Variants in CFAP65 observed in about 807,000 individuals in gnomAD.
CFAP65 encodes cilia and flagella associated protein 65.
A neutral mutation model predicts 208.0 loss-of-function variants in CFAP65; 155 were observed. The observed-to-expected ratio is 0.75, with a 90% CI of 0.65 to 0.85. The LOEUF is 0.85. Among genes scored for constraint, CFAP65 ranks in the 40% least tolerant of loss-of-function variants. CFAP65 has a pLI of 0.00. For synonymous variants in CFAP65, 970 were observed against 986.3 expected, an observed-to-expected ratio of 0.98 and a Z score of 0.31; for missense variants, 2,294 against 2,451.3, an observed-to-expected ratio of 0.94 and a Z score of 1.36.
chr2:219,009,670 A>ATGGGG (rs1239115957), intron 27 of CFAP65, among the ~76,000 whole-genome samples: 2 of 56,364 alleles, frequency 3.5e-5, no homozygotes, highest in African/African-American at 9.1e-5. Flanking sequence ...ATGGGGTGGG[A>ATGGGG]TGGGGTGGGG....
intron 30 of CFAP65, 91 bp downstream of exon 30, chr2:219,006,374 G>A: frequency 6.5e-7 from 1 of 1,537,544 alleles, no homozygotes; most frequent in South Asian, 1.1e-5. Flanking sequence ...CTTTCTGGGA[G>A]TCTGGTCCAG....
rs1241229631 is a variant in CFAP65 at position 219,013,860 on chromosome 2, G to A, written c.3779+8C>T. 1 of 1,579,324 alleles carries A rather than the reference G, an allele frequency of 6.3e-7. No individual in the cohort carries two copies. The highest frequency in any genetic ancestry group is 1.4e-5 in the African/African-American group (1 of 74,000). Reference sequence around the variant, plus strand: ...GGAAGTGCAGGGGGTTTGGGGGGTGGGGAACACCTGTATTTTAACTCCACC... The same window carrying A: ...GGAAGTGCAGGGGGTTTGGGGGGTGAGGAACACCTGTATTTTAACTCCACC... On this transcript the variant is annotated splice_region_variant and intron_variant, in intron 22 of 34. Coordinates refer to ENST00000341552, the MANE Select transcript of CFAP65 (RefSeq NM_194302.4).
intron 18 of CFAP65, 106 bp downstream of exon 18, chr2:219,021,674 G>A (rs1424015459): frequency 9.5e-6 from 12 of 1,264,626 alleles, no homozygotes; most frequent in Non-Finnish European, 1.3e-5. Context: ...GCTTCTTGAA[G>A]AGCTGGGACT....
Position 219,022,045 on chromosome 2 carries a change from G to A in CFAP65, c.2980-115C>T. The A allele has an allele frequency of 2.0e-6, 3 of 1,530,550 alleles. No individual in the cohort carries two copies. In the South Asian group the frequency reaches 3.7e-5, roughly 19 times the overall value. 94.8% of individuals were successfully genotyped at this position (1,530,550 alleles called of 1,614,324 possible). Reference sequence around the variant, plus strand: ...GGAAGGGCAAGTTTGGGGTATCCGGGGCAGAGGGCTCCTATCCTCTGCCCT... The same window carrying A: ...GGAAGGGCAAGTTTGGGGTATCCGGAGCAGAGGGCTCCTATCCTCTGCCCT... On this transcript the variant is annotated intron_variant, in intron 17 of 34. Coordinates refer to ENST00000341552, the MANE Select transcript of CFAP65 (RefSeq NM_194302.4).
chr2:219,029,539 C>A lies in CFAP65; in HGVS notation c.1514G>T (p.Cys505Phe). 1 of 1,614,116 alleles carries A rather than the reference C, an allele frequency of 6.2e-7. No homozygotes were observed. Among genetic ancestry groups the A allele is most frequent in the Non-Finnish European group, 8.5e-7 (1 of 1,180,024 alleles). Residue 505 changes from cysteine to phenylalanine, a missense_variant, in exon 11 of 35, where the codon TGC (cysteine) becomes TTC (phenylalanine). Physicochemically the swap from Cys to Phe is radical, Grantham distance 205. Coordinates refer to ENST00000341552, the MANE Select transcript of CFAP65 (RefSeq NM_194302.4). ...CTAHFQFAID[C>F]LESVFTIRPA... Reference sequence around the variant, plus strand: ...CCTGATGGTAAAGACACTCTCCAAGCAGTCGATGGCAAACTGGAAGTGGGC... The same window carrying A: ...CCTGATGGTAAAGACACTCTCCAAGAAGTCGATGGCAAACTGGAAGTGGGC...
intron 4 of CFAP65, among the ~76,000 whole-genome samples, chr2:219,037,229 A>C (rs1322062124): frequency 6.6e-6 from 1 of 152,088 alleles, no homozygotes; most frequent in African/African-American, 2.4e-5. Context: ...CGTCTCTACT[A>C]AAAATACAAA....
At chr2:219,010,176 G>T in intron 26 of CFAP65, 91 bp from the exon 27 acceptor site, 1 of 1,314,794 alleles carries the variant, frequency 7.6e-7, no homozygotes, top group South Asian at 1.6e-5. Flanking sequence ...GGCCAAGGTG[G>T]GAGGATCACG....
rs749964844 is a variant in CFAP65 at position 219,028,369 on chromosome 2, G to A, written c.1683C>T (p.Cys561=). The A allele has an allele frequency of 1.2e-6, 2 of 1,613,452 alleles. No individual in the cohort carries two copies. The highest frequency in any genetic ancestry group is 2.7e-5 in the African/African-American group (2 of 74,782). ...DPLFLDLMGT[C]HSDSTKPAIL... is the part of the protein sequence containing the mutation. ...TGGCTGGCTTGGTGCTGTCCGAGTG[G>A]CAGGTCCCCATCAGGTCCAGGAACA... Residue 561 remains cysteine (C), a synonymous_variant, in exon 12 of 35, where the codon TGC becomes TGT. Transcript: ENST00000341552.
intron 29 of CFAP65, among the ~76,000 whole-genome samples, chr2:219,008,234 C>T (rs2106077799): frequency 6.6e-6 from 1 of 152,352 alleles, no homozygotes; most frequent in African/African-American, 2.4e-5. Flanking sequence ...ACTAGCACCT[C>T]ATAGCCAGTC....
intron 29 of CFAP65, among the ~76,000 whole-genome samples, chr2:219,006,848 A>G (rs1946040253): frequency 1.3e-5 from 2 of 151,770 alleles, no homozygotes. Flanking sequence ...AAAAAAAAAA[A>G]AAAAAGATGT....
intron 5 of CFAP65, 32 bp downstream of exon 5, chr2:219,035,448 G>A (rs2106258697): frequency 4.3e-6 from 7 of 1,614,134 alleles, no homozygotes; most frequent in East Asian, 4.5e-5. Flanking sequence ...TCAAGGCTGT[G>A]GCACTGGGTC....
intron 29 of CFAP65, among the ~76,000 whole-genome samples, chr2:219,007,909 C>G (rs1946136437): frequency 6.6e-6 from 1 of 151,952 alleles, no homozygotes; most frequent in African/African-American, 2.4e-5. Context: ...ACCTCCGCCT[C>G]CCGGGTTCAA....
chr2:219,017,988 T>C (rs1947018621), intron 21 of CFAP65, among the ~76,000 whole-genome samples: 1 of 152,128 alleles, frequency 6.6e-6, no homozygotes, highest in Admixed American at 6.5e-5. Flanking sequence ...TTTCCCCATC[T>C]TCCTCCACCA....
At chr2:219,027,365 A>C in intron 13 of CFAP65, 1 of 1,456,862 alleles carries the variant, frequency 6.9e-7, no homozygotes, top group African/African-American at 1.4e-5. Context: ...AGCCCCAGGG[A>C]GTATCTCCCT....
Position 219,009,114 on chromosome 2 carries a change from AGC to A in CFAP65, c.4605_4606del (p.Glu1535AspfsTer32). Reference sequence around the variant, plus strand: ...CACCTTCTCGTCCTTCCACTCCTGCAGCTCCTTGTGATACTGCCTCATGAGCT... The same window carrying A: ...CACCTTCTCGTCCTTCCACTCCTGCATCCTTGTGATACTGCCTCATGAGCT... On this transcript the variant is annotated frameshift_variant, in exon 29 of 35. Transcript: ENST00000341552. LOFTEE classifies it high-confidence loss of function. 1 of 1,612,938 alleles carries A rather than the reference AGC, an allele frequency of 6.2e-7. No individual in the cohort carries two copies. The highest frequency in any genetic ancestry group is 8.5e-7 in the Non-Finnish European group (1 of 1,179,962).
Position 219,024,302 on chromosome 2 carries a change from T to G in CFAP65, c.2350-42A>C, listed in dbSNP as rs539001374. On this transcript the variant is annotated intron_variant, in intron 14 of 34. Coordinates refer to ENST00000341552, the MANE Select transcript of CFAP65 (RefSeq NM_194302.4). ...AGGAAAGCGGCCCCCCGCTCAGACC[T>G]CCACCCTGGGACACACACTCAGGGC... The G allele has an allele frequency of 3.8e-6, 6 of 1,578,400 alleles. No individual in the cohort carries two copies. In the East Asian group the frequency reaches 1.3e-4, roughly 35 times the overall value.
At chr2:219,007,317 G>T (rs1349071579) in intron 29 of CFAP65, among the ~76,000 whole-genome samples, 12 of 151,824 alleles carry the variant, frequency 7.9e-5, no homozygotes, top group Middle Eastern at 3.2e-3. Context: ...GGGACTACAG[G>T]TGTGAGCCAC....
intron 2 of CFAP65, 145 bp downstream of exon 2, chr2:219,040,374 T>C: frequency 1.5e-6 from 1 of 664,010 alleles, no homozygotes; most frequent in South Asian, 1.7e-5. Flanking sequence ...GAAGATTCTG[T>C]TGACCCTGGT....
intron 18 of CFAP65, 68 bp downstream of exon 18, chr2:219,021,712 G>C (rs1947273062): frequency 1.3e-6 from 2 of 1,559,208 alleles, no homozygotes; most frequent in South Asian, 1.2e-5. Flanking sequence ...TGCCCAGCAG[G>C]TTAACCGGTC....
Sources: gnomAD v4.1 joint callset for allele counts (sites outside exome capture counted in the v4.1 genomes callset) on GRCh38, gnomAD v4.1.1 for gene constraint, MANE v1.5 for transcripts, NCBI Gene and HGNC (gene_info 2026-07-23, HGNC 2026-07-21) for gene names.